NQO2: variants seen among roughly 807,000 people sequenced by gnomAD.
The protein encoded by NQO2 is ribosyldihydronicotinamide dehydrogenase [quinone].
In NQO2, 18 loss-of-function variants were observed where a neutral mutation model predicts 22.0. That is an observed-to-expected ratio of 0.82 (90% confidence interval 0.56 to 1.21). The LOEUF is 1.21. Among genes scored for constraint, NQO2 ranks in the 50% most tolerant of loss-of-function variants. The probability of loss-of-function intolerance (pLI) is 0.00; values close to 1 mark genes in which losing one functional copy is unlikely to be tolerated. For synonymous variants in NQO2, 106 were observed against 110.8 expected (o/e 0.96, Z 0.28); for missense variants, 267 against 286.9 (o/e 0.93, Z 0.50).
intron 1 of NQO2, among the ~76,000 whole-genome samples, chr6:3,002,513 T>G (rs936251361): frequency 3.3e-5 from 5 of 152,156 alleles, no homozygotes; most frequent in Non-Finnish European, 7.3e-5. Context: ...TTTTGCCACA[T>G]TGACCAGGCT....
In NQO2 at chr6:3,017,097, C is replaced by T. The variant is rs139141866; in HGVS notation, c.519+112C>T. 75 of 1,269,202 alleles carry T rather than the reference C, an allele frequency of 5.9e-5. No individual in the cohort carries two copies. The East Asian group carries it at 7.2e-4, about 12-fold the overall frequency. The allele number at this position is 1,269,202 out of a possible 1,614,324, so 78.6% of individuals were successfully genotyped here. A position where few individuals can be genotyped will look rare whatever the true frequency, so the allele number is the denominator to read the frequency against. On this transcript the variant is annotated intron_variant, in intron 6 of 6. Transcript: ENST00000380455. The stretch of plus-strand genomic sequence containing the variant: ...ACACACATACATGCCCTCAGCTCCC[C>T]GAGGGGTGAGATGAGATGGGATGGA...
intron 5 of NQO2, 94 bp downstream of exon 5, chr6:3,015,737 T>C (rs1367038078): frequency 8.0e-7 from 1 of 1,244,908 alleles, no homozygotes; most frequent in Non-Finnish European, 1.1e-6. Flanking sequence ...TTTCCTTCCT[T>C]TTCTTAGCAA....
intron 2 of NQO2, among the ~76,000 whole-genome samples, chr6:3,008,458 T>C (rs1163041895): frequency 6.6e-6 from 1 of 150,486 alleles, no homozygotes; most frequent in African/African-American, 2.4e-5. Context: ...AAAGAAAGTT[T>C]GGTGTTTCTG....
At chr6:3,016,206 G>A (rs576945261) in intron 5 of NQO2, among the ~76,000 whole-genome samples, 1 of 152,264 alleles carries the variant, frequency 6.6e-6, no homozygotes, top group East Asian at 1.9e-4. Flanking sequence ...CGAGGAGGGT[G>A]GATCACTTGA....
rs1353455803 is a variant in NQO2 at position 3,016,976 on chromosome 6, G to C, written c.510G>C (p.Trp170Cys). 1 of 1,613,688 alleles carries C rather than the reference G, an allele frequency of 6.2e-7. No homozygotes were observed. The highest frequency in any genetic ancestry group is 2.2e-5 in the East Asian group (1 of 44,892). ...ATGGAGATTCTCGATACTTCCTGTG[G>C]CCACTCCAGGTAGACCAGCTGCGAG... is the stretch of plus-strand genomic sequence containing the variant. Reference protein sequence around the residue: ...GVNGDSRYFLWPLQHGTLHFC... With the variant: ...GVNGDSRYFLCPLQHGTLHFC... Residue 170 changes from tryptophan to cysteine, a missense_variant, in exon 6 of 7, where the codon TGG becomes TGC. By Grantham distance (215) the Trp-to-Cys change is radical (BLOSUM62 -2). Coordinates refer to ENST00000380455, the MANE Select transcript of NQO2 (RefSeq NM_000904.6).
chr6:3,019,648 G>C lies in NQO2; in HGVS notation c.689G>C (p.Gly230Ala). Residue 230 changes from glycine to alanine, a missense_variant, in exon 7 of 7, where the codon GGG becomes GCG. Coordinates refer to ENST00000380455, the MANE Select transcript of NQO2 (RefSeq NM_000904.6). ...PIPCTAHWHF[G>A]Q Reference sequence around the variant, plus strand: ...CCCTGCACAGCCCACTGGCACTTCGGGCAATAACTCTGTGGCACGTGGGCA... The same window carrying C: ...CCCTGCACAGCCCACTGGCACTTCGCGCAATAACTCTGTGGCACGTGGGCA... The C allele has an allele frequency of 6.2e-7, 1 of 1,606,056 alleles. No homozygotes were observed. The highest frequency in any genetic ancestry group is 2.2e-5 in the East Asian group (1 of 44,748).
chr6:3,015,351 C>T (rs944628454), intron 4 of NQO2, 179 bp from the exon 5 acceptor site: 113 of 985,304 alleles, frequency 1.1e-4, no homozygotes, highest in African/African-American at 2.8e-4. Flanking sequence ...TTGTCAACTC[C>T]GTTCCCGTCT....
chr6:3,002,302 T>C (rs950756827), intron 1 of NQO2: 8 of 885,648 alleles, frequency 9.0e-6, no homozygotes, highest in Non-Finnish European at 1.1e-5. Flanking sequence ...TCATTTCATA[T>C]CACTCTATTT....
At chr6:3,002,641 C>T (rs1405847567) in intron 1 of NQO2, among the ~76,000 whole-genome samples, 1 of 152,030 alleles carries the variant, frequency 6.6e-6, no homozygotes, top group Non-Finnish European at 1.5e-5. Context: ...GCTTAAGAGG[C>T]TCCAAGGGCT....
intron 1 of NQO2, chr6:3,003,748 C>T (rs1405790167): frequency 2.5e-6 from 2 of 785,230 alleles, no homozygotes; most frequent in Admixed American, 6.3e-5. Flanking sequence ...TGTGACCTCT[C>T]CCACATTCTC....
chr6:3,015,431 G>C (rs192446964), intron 4 of NQO2, 99 bp from the exon 5 acceptor site: 13 of 1,498,630 alleles, frequency 8.7e-6, no homozygotes, highest in Middle Eastern at 2.2e-4. Flanking sequence ...CCAGGGAAGA[G>C]GAGGGCTGTG....
At chr6:3,004,366 G>C (rs1347158034) in intron 1 of NQO2, 1 of 984,882 alleles carries the variant, frequency 1.0e-6, no homozygotes, top group Non-Finnish European at 1.2e-6. Context: ...GTCACCTTTG[G>C]GTGTTTGGAG....
chr6:3,006,203 G>A lies in NQO2; in HGVS notation c.-85-265G>A. On this transcript the variant is annotated intron_variant, in intron 1 of 6. Coordinates refer to ENST00000380455, the MANE Select transcript of NQO2 (RefSeq NM_000904.6). The surrounding 1 kb of genome is among the most constrained non-coding windows in gnomAD (Gnocchi z 4.0). ...GGCTCAACTCCTGCTTCCTACCGTG[G>A]CTCATTTCCTGGGTCCTTTGCTGTA... 1 of 405,502 alleles carries A rather than the reference G, an allele frequency of 2.5e-6. No homozygotes were observed. Among genetic ancestry groups the A allele is most frequent in the Non-Finnish European group, 3.3e-6 (1 of 300,140 alleles). 25.1% of individuals were successfully genotyped at this position (405,502 alleles called of 1,614,324 possible).
chr6:3,001,528 G>A (rs1756720199), intron 1 of NQO2, among the ~76,000 whole-genome samples: 1 of 151,980 alleles, frequency 6.6e-6, no homozygotes, highest in South Asian at 2.1e-4. Context: ...TTATAGTTTT[G>A]GGAAAAAAAT....
At chr6:3,005,341 G>A (rs997521365) in intron 1 of NQO2, among the ~76,000 whole-genome samples, 3 of 152,130 alleles carry the variant, frequency 2.0e-5, no homozygotes, top group East Asian at 1.9e-4. Flanking sequence ...CTCCAGCAGC[G>A]GCAGCACTCG....
At chr6:3,016,713 T>C in intron 5 of NQO2, 171 bp from the exon 6 acceptor site, 1 of 978,208 alleles carries the variant, frequency 1.0e-6, no homozygotes, top group South Asian at 4.7e-5. Flanking sequence ...CTCCTCCTCC[T>C]CTTGGGATGT....
rs1455858447 is a variant in NQO2, at chr6:3,006,837, G to C, written c.7+278G>C. ...CCAGAATTTAGGTTCCTCAAAAGTG[G>C]GGCCCTGCCTATCCTGTCTTTGCTG... On this transcript the variant is annotated intron_variant, in intron 2 of 6. Coordinates refer to ENST00000380455, the MANE Select transcript of NQO2 (RefSeq NM_000904.6). This position sits in a 1 kb window ranked among gnomAD's most constrained non-coding sequence, Gnocchi z 4.0. 2.2e-6 allele frequency: 1 copy of C among 451,074 alleles called. No individual in the cohort carries two copies. The highest frequency in any genetic ancestry group is 3.9e-6 in the Non-Finnish European group (1 of 257,692). The allele number at this position is 451,074 out of a possible 1,614,324, so 27.9% of individuals were successfully genotyped here.
chr6:3,011,313 G>T (rs1757126993), intron 3 of NQO2, among the ~76,000 whole-genome samples: 1 of 152,144 alleles, frequency 6.6e-6, no homozygotes, highest in Non-Finnish European at 1.5e-5. Flanking sequence ...AAATACATTT[G>T]CTGAAAAATT....
chr6:3,007,024 T>G (rs751657508), intron 2 of NQO2: 3 of 397,782 alleles, frequency 7.5e-6, no homozygotes, highest in Non-Finnish European at 1.3e-5. Flanking sequence ...CTTTTTAATT[T>G]CACCTAACGA....
Sources: gnomAD v4.1 joint callset for allele counts (sites outside exome capture counted in the v4.1 genomes callset) on GRCh38, gnomAD v4.1.1 for gene constraint, Gnocchi (gnomAD v3.1) non-coding constraint, MANE v1.5 for transcripts, NCBI Gene and HGNC (gene_info 2026-07-23, HGNC 2026-07-21) for gene names.